CYTIP: variants seen among roughly 807,000 people sequenced by gnomAD.
CYTIP encodes the protein cytohesin-interacting protein.
CYTIP carries 26 observed loss-of-function variants against 43.8 expected under a neutral mutation model. That is an observed-to-expected ratio of 0.59 (90% confidence interval 0.44 to 0.82). The LOEUF (loss-of-function observed/expected upper bound fraction) is 0.82. Among genes scored for constraint, CYTIP ranks in the 40% least tolerant of loss-of-function variants. The pLI is 0.00. For missense variants in CYTIP, 426 were observed against 443.1 expected (o/e 0.96, Z 0.35); for synonymous variants, 162 against 162.9 (o/e 0.99, Z 0.04).
In CYTIP at chr2:157,430,590, C is replaced by T; in HGVS notation, c.445G>A (p.Asp149Asn). ...TEGFTYKQVV[D>N]LIRSSGNLLT... ...AGGTTTCCGGACGATCTGATCAGGT[C>T]AACGACTTGTTTGTAGGTAAAACCT... Residue 149 changes from aspartate (D) to asparagine (N), a missense_variant, in exon 5 of 8, where the codon GAC (aspartate) becomes AAC (asparagine). Physicochemically the swap from Asp to Asn is conservative, Grantham distance 23. Transcript: ENST00000264192. 3 of 1,614,166 alleles carry T rather than the reference C, an allele frequency of 1.9e-6. No individual in the cohort carries two copies. The highest frequency in any genetic ancestry group is 2.5e-6 in the Non-Finnish European group (3 of 1,180,016).
At chr2:157,436,894 A>G (rs918483674) in intron 1 of CYTIP, among the ~76,000 whole-genome samples, 4 of 152,026 alleles carry the variant, frequency 2.6e-5, no homozygotes, top group Admixed American at 1.3e-4. Flanking sequence ...ATTAAATTCA[A>G]TATCATAGGA....
At position 157,415,945 on chromosome 2, in the gene CYTIP, CT is replaced by C. The variant is rs1447843212; in HGVS notation, c.811del (p.Arg271GlyfsTer24). On this transcript the variant is annotated frameshift_variant, in exon 8 of 8. Coordinates refer to ENST00000264192, the MANE Select transcript of CYTIP (RefSeq NM_004288.5). LOFTEE classifies it high-confidence loss of function. ...ACTCGTCTGCCGACTGAAGGCACCC[CT>C]GCTGGAGTCCTCAGACACACACGTC... ...YQTCVSEDSSRGAFSRQTSTD... is the reference protein window; with the variant it reads ...YQTCVSEDSSXGAFSRQTSTD... 1 of 1,614,230 alleles carries C rather than the reference CT, an allele frequency of 6.2e-7. No homozygotes were observed. Among genetic ancestry groups the C allele is most frequent in the Admixed American group, 1.7e-5 (1 of 60,032 alleles).
chr2:157,434,205 AG>A lies in CYTIP; in HGVS notation c.279+164del, dbSNP rs1032203096. 6.0e-6 allele frequency: 4 copies of A among 666,298 alleles called. No individual in the cohort carries two copies. The African/African-American group carries it at 7.3e-5, about 12-fold the overall frequency. The allele number at this position is 666,298 out of a possible 1,614,324, so 41.3% of individuals were successfully genotyped here. A position where few individuals can be genotyped will look rare whatever the true frequency, so the allele number is the denominator to read the frequency against. On this transcript the variant is annotated intron_variant, in intron 3 of 7. Transcript: ENST00000264192. ...ATCTTCAATGTTTTCTTTCCTTAAT[AG>A]TACTCAACACACTGAAAAACTACCC... is the stretch of plus-strand genomic sequence containing the variant.
In CYTIP at chr2:157,416,157, T is replaced by C; in HGVS notation, c.614-14A>G. Reference sequence around the variant, plus strand: ...TAGCTGCATCACCTAGAGCACAAAGTCTACTGTGAAATGGATCTGTTCATT... The same window carrying C: ...TAGCTGCATCACCTAGAGCACAAAGCCTACTGTGAAATGGATCTGTTCATT... On this transcript the variant is annotated splice_polypyrimidine_tract_variant and intron_variant, in intron 7 of 7. Transcript: ENST00000264192. The C allele has an allele frequency of 6.3e-7, 1 of 1,585,674 alleles. No individual in the cohort carries two copies. The highest frequency in any genetic ancestry group is 1.3e-5 in the African/African-American group (1 of 74,308).
intron 5 of CYTIP, 141 bp downstream of exon 5, chr2:157,430,418 G>A: frequency 1.5e-6 from 1 of 678,114 alleles, no homozygotes; most frequent in East Asian, 2.7e-5. Context: ...AACTGATAAT[G>A]TTTGTACCCC....
At chr2:157,424,633 T>C (rs1203211956) in intron 6 of CYTIP, among the ~76,000 whole-genome samples, 2 of 152,134 alleles carry the variant, frequency 1.3e-5, no homozygotes, top group Non-Finnish European at 1.5e-5. Flanking sequence ...GAGACTATAG[T>C]AAGCTATGAT....
At chr2:157,433,131 A>G (rs940619732) in intron 3 of CYTIP, among the ~76,000 whole-genome samples, 4 of 152,220 alleles carry the variant, frequency 2.6e-5, no homozygotes, top group African/African-American at 9.6e-5. Flanking sequence ...AGTTTTCAGT[A>G]GCCACTGCTG....
At chr2:157,421,244 C>T (rs983741935) in intron 6 of CYTIP, among the ~76,000 whole-genome samples, 4 of 152,240 alleles carry the variant, frequency 2.6e-5, no homozygotes, top group African/African-American at 4.8e-5. Context: ...GGCAGCATCA[C>T]CTCACTGTGC....
At chr2:157,424,483 A>G (rs1685572048) in intron 6 of CYTIP, among the ~76,000 whole-genome samples, 1 of 152,148 alleles carries the variant, frequency 6.6e-6, no homozygotes, top group South Asian at 2.1e-4. Flanking sequence ...CAATAAAAAA[A>G]CAGAATACCA....
chr2:157,441,739 T>A (rs1035887660), intron 1 of CYTIP, among the ~76,000 whole-genome samples: 6 of 152,166 alleles, frequency 3.9e-5, no homozygotes, highest in African/African-American at 1.4e-4. Flanking sequence ...TCACTCTGGC[T>A]TAAAACCAGA....
rs1685473600 is a variant in CYTIP, at chr2:157,418,566, C to CA, written c.569dup (p.Glu191GlyfsTer16). The CA allele has an allele frequency of 6.4e-7, 1 of 1,569,686 alleles. No individual in the cohort carries two copies. The highest frequency in any genetic ancestry group is 8.6e-7 in the Non-Finnish European group (1 of 1,160,340). On this transcript the variant is annotated frameshift_variant, in exon 7 of 8. Coordinates refer to ENST00000264192, the MANE Select transcript of CYTIP (RefSeq NM_004288.5). LOFTEE classifies it high-confidence loss of function. The stretch of plus-strand genomic sequence containing the variant: ...CCTGTAACTGCAGAGATCTGTACTC[C>CA]ACCCATTTTTGTTTCAAAGTTTGCT...
intron 1 of CYTIP, among the ~76,000 whole-genome samples, chr2:157,436,379 T>G (rs1685807180): frequency 6.6e-6 from 1 of 152,186 alleles, no homozygotes; most frequent in Admixed American, 6.5e-5. Context: ...TCCCTTATAT[T>G]GTACTCATAT....
Position 157,430,569 on chromosome 2 carries a change from T to C in CYTIP, c.466A>G (p.Asn156Asp). The C allele has an allele frequency of 6.2e-7, 1 of 1,614,094 alleles. No homozygotes were observed. The highest frequency in any genetic ancestry group is 8.5e-7 in the Non-Finnish European group (1 of 1,179,930). Residue 156 changes from asparagine to aspartate, a missense_variant, in exon 5 of 8, where the codon AAC becomes GAC. Physicochemically the swap from Asn to Asp is conservative, Grantham distance 23. Coordinates refer to ENST00000264192, the MANE Select transcript of CYTIP (RefSeq NM_004288.5). Reference protein sequence around the residue: ...QVVDLIRSSGNLLTIETLNGT... With the variant: ...QVVDLIRSSGDLLTIETLNGT... ...TAGACAGATAGTTACGTTAGCAGGT[T>C]TCCGGACGATCTGATCAGGTCAACG... is the stretch of plus-strand genomic sequence containing the variant.
intron 6 of CYTIP, among the ~76,000 whole-genome samples, chr2:157,421,182 C>A (rs1869553): frequency 0.019 from 2,900 of 152,338 alleles, 105 homozygotes; most frequent in East Asian, 0.091. Context: ...TTAGACATAT[C>A]TGAGCTCTCA....
chr2:157,420,650 C>CAAAAAAAA (rs56029960), intron 6 of CYTIP, among the ~76,000 whole-genome samples: 3 of 70,100 alleles, frequency 4.3e-5, no homozygotes, highest in African/African-American at 5.7e-5. Flanking sequence ...GACCCTGCCA[C>CAAAAAAAA]AAAAAAAAAA....
chr2:157,434,158 A>G (rs564586862), intron 3 of CYTIP: 6 of 598,044 alleles, frequency 1.0e-5, no homozygotes, highest in South Asian at 2.0e-5. Context: ...ACTGCTGAGC[A>G]TATCGCAGAG....
chr2:157,435,890 T>C (rs533954125), intron 1 of CYTIP, among the ~76,000 whole-genome samples: 7 of 152,306 alleles, frequency 4.6e-5, no homozygotes, highest in African/African-American at 1.7e-4. Context: ...GTTACACAAA[T>C]GAAATGCTTA....
chr2:157,415,769 G>A lies in CYTIP; in HGVS notation c.988C>T (p.Arg330Trp), dbSNP rs374996046. 73 of 1,614,064 alleles carry A rather than the reference G, an allele frequency of 4.5e-5. No individual in the cohort carries two copies. In the East Asian group the frequency reaches 5.8e-4, roughly 13 times the overall value. Residue 330 changes from arginine to tryptophan, a missense_variant, in exon 8 of 8, where the codon CGG becomes TGG. Transcript: ENST00000264192. Reference sequence around the variant, plus strand: ...CGGACACTTCCCTTTCTGCTCTTCCGGGGCAGGGTCCCAAACATGCTTGAT... The same window carrying A: ...CGGACACTTCCCTTTCTGCTCTTCCAGGGCAGGGTCCCAAACATGCTTGAT... The part of the protein sequence containing the change: ...NLSSMFGTLP[R>W]KSRKGSVRKQ...
Position 157,430,550 on chromosome 2 carries a change from G to C in CYTIP, c.476+9C>G. On this transcript the variant is annotated intron_variant, in intron 5 of 7. Coordinates refer to ENST00000264192, the MANE Select transcript of CYTIP (RefSeq NM_004288.5). ...TTTGAAGCCCCACGGGAACTAGACA[G>C]ATAGTTACGTTAGCAGGTTTCCGGA... The C allele has an allele frequency of 6.2e-7, 1 of 1,612,146 alleles. No individual in the cohort carries two copies. Among genetic ancestry groups the C allele is most frequent in the Non-Finnish European group, 8.5e-7 (1 of 1,178,170 alleles).
Sources: allele counts gnomAD v4.1 joint callset (sites outside exome capture counted in the v4.1 genomes callset), GRCh38; gene constraint gnomAD v4.1.1; transcripts MANE v1.5; gene names NCBI Gene and HGNC (gene_info 2026-07-23, HGNC 2026-07-21).